Variants in SAMD5 observed in about 807,000 individuals in gnomAD.
The protein encoded by SAMD5 is sterile alpha motif domain containing 5.
Under a neutral mutation model 11.3 loss-of-function variants are expected in SAMD5, and 13 were observed. The ratio of observed to expected loss-of-function variants is 1.15; its 90% CI spans 0.75 to 1.83. The LOEUF (loss-of-function observed/expected upper bound fraction) is 1.83. Ranked by LOEUF, SAMD5 falls within the 40% of genes most tolerant of loss-of-function variation. The probability of loss-of-function intolerance (pLI) is 0.00; values close to 1 mark genes in which losing one functional copy is unlikely to be tolerated. For synonymous variants in SAMD5, 129 were observed against 111.3 expected (o/e 1.16, Z -1.00); for missense variants, 255 against 239.1 (o/e 1.07, Z -0.44).
chr6:147,940,717 C>G, the SAMD5 span, among the ~76,000 whole-genome samples: 22 of 152,316 alleles, frequency 1.4e-4, no homozygotes, highest in African/African-American at 5.3e-4. Context: ...AATCCCAGTA[C>G]TTTGGGAGGC....
intron 1 of SAMD5, among the ~76,000 whole-genome samples, chr6:147,730,912 G>A (rs1383427421): frequency 1.3e-5 from 2 of 152,136 alleles, no homozygotes; most frequent in African/African-American, 2.4e-5. Context: ...GGTGGTGTTG[G>A]AAGCCTGGTC....
At chr6:147,775,004 C>T in the SAMD5 span, among the ~76,000 whole-genome samples, 2 of 152,102 alleles carry the variant, frequency 1.3e-5, no homozygotes, top group South Asian at 4.1e-4. Flanking sequence ...AGTCCCTAAA[C>T]AAAGCCAGGA....
chr6:147,684,727 G>T (rs1001890570), intron 1 of SAMD5, among the ~76,000 whole-genome samples: 2 of 152,014 alleles, frequency 1.3e-5, no homozygotes, highest in African/African-American at 2.4e-5. Context: ...TCCTATACAG[G>T]CAGTCTTCAC....
chr6:147,631,295 A>G (rs1790147158), intron 1 of SAMD5, among the ~76,000 whole-genome samples: 1 of 152,218 alleles, frequency 6.6e-6, no homozygotes, highest in East Asian at 1.9e-4. Context: ...TTAAAGGACT[A>G]AGAATTGGGA....
chr6:147,898,153 A>G, the SAMD5 span, among the ~76,000 whole-genome samples: 4 of 152,114 alleles, frequency 2.6e-5, no homozygotes, highest in African/African-American at 9.6e-5. Flanking sequence ...AATGCTAAGC[A>G]TACCCACAGG....
chr6:147,515,661 T>C (rs558300264), intron 1 of SAMD5, among the ~76,000 whole-genome samples: 118 of 151,856 alleles, frequency 7.8e-4, no homozygotes, highest in African/African-American at 2.7e-3. Context: ...CACATGCCCA[T>C]GTGCTAGGCT....
intron 1 of SAMD5, among the ~76,000 whole-genome samples, chr6:147,629,461 A>C (rs528803786): frequency 1.1e-4 from 16 of 152,334 alleles, no homozygotes; most frequent in African/African-American, 3.6e-4. Context: ...TGAAAAGCCC[A>C]TATTTAGATT....
At chr6:147,918,887 A>G in the SAMD5 span, among the ~76,000 whole-genome samples, 3 of 151,812 alleles carry the variant, frequency 2.0e-5, no homozygotes, top group African/African-American at 7.3e-5. Context: ...TTGTATTTTT[A>G]GTAGAGACAG....
At chr6:147,879,160 C>T in the SAMD5 span, among the ~76,000 whole-genome samples, 1 of 152,164 alleles carries the variant, frequency 6.6e-6, no homozygotes, top group African/African-American at 2.4e-5. Context: ...TTACTGCCCC[C>T]TGTTTTGTGC....
intron 1 of SAMD5, among the ~76,000 whole-genome samples, chr6:147,621,267 G>A (rs929165609): frequency 6.6e-6 from 1 of 152,154 alleles, no homozygotes; most frequent in Non-Finnish European, 1.5e-5. Flanking sequence ...ATAATGAAAC[G>A]TGAAATAAAA....
At chr6:147,513,620 G>A (rs1788122494) in intron 1 of SAMD5, among the ~76,000 whole-genome samples, 1 of 152,172 alleles carries the variant, frequency 6.6e-6, no homozygotes, top group East Asian at 1.9e-4. Context: ...GATTTCAGAG[G>A]CGGCCAGAGG....
the SAMD5 span, among the ~76,000 whole-genome samples, chr6:147,821,942 G>A: frequency 1.3e-5 from 2 of 151,954 alleles, no homozygotes; most frequent in Non-Finnish European, 2.9e-5. Flanking sequence ...TATTTTTTCA[G>A]AATGAAGTAA....
chr6:147,681,861 C>T (rs1472463846), intron 1 of SAMD5, among the ~76,000 whole-genome samples: 1 of 152,206 alleles, frequency 6.6e-6, no homozygotes, highest in African/African-American at 2.4e-5. Context: ...GTGTTACACT[C>T]TGGCTGGTGG....
chr6:147,684,934 C>A (rs1790988295), intron 1 of SAMD5, among the ~76,000 whole-genome samples: 2 of 151,976 alleles, frequency 1.3e-5, no homozygotes, highest in Admixed American at 1.3e-4. Context: ...AAAACTAAAT[C>A]TTATTTAGTT....
downstream of SAMD5, among the ~76,000 whole-genome samples, chr6:147,740,491 C>G (rs543766065): frequency 6.6e-6 from 1 of 152,312 alleles, no homozygotes; most frequent in East Asian, 1.9e-4. Flanking sequence ...TGAACAGGTG[C>G]TTCATTTTAG....
the SAMD5 span, among the ~76,000 whole-genome samples, chr6:147,774,574 T>G: frequency 6.6e-6 from 1 of 152,158 alleles, no homozygotes; most frequent in African/African-American, 2.4e-5. Context: ...ATTGGTCTTT[T>G]CTCCTTGTAT....
chr6:147,800,354 G>A, the SAMD5 span, among the ~76,000 whole-genome samples: 1 of 152,180 alleles, frequency 6.6e-6, no homozygotes, highest in Admixed American at 6.5e-5. Flanking sequence ...TGCCCCTGCT[G>A]GAGGGTGCCT....
At chr6:147,830,554 C>T in the SAMD5 span, among the ~76,000 whole-genome samples, 1 of 152,066 alleles carries the variant, frequency 6.6e-6, no homozygotes, top group Admixed American at 6.6e-5. Context: ...CCGCGCCCGG[C>T]CCCAGTAAGC....
intron 1 of SAMD5, among the ~76,000 whole-genome samples, chr6:147,549,542 G>A (rs562767125): frequency 2.0e-5 from 3 of 152,220 alleles, no homozygotes; most frequent in Admixed American, 2.0e-4. Context: ...AAGGCTCCTG[G>A]AAAGGTTTTC....
Sources: gnomAD v4.1 joint callset for allele counts (sites outside exome capture counted in the v4.1 genomes callset) on GRCh38, gnomAD v4.1.1 for gene constraint, MANE v1.5 for transcripts, NCBI Gene and HGNC (gene_info 2026-07-23, HGNC 2026-07-21) for gene names.